The following IRAG2 variants were observed in gnomAD, a reference collection of about 807,000 sequenced individuals.
IRAG2 encodes inositol 1,4,5-triphosphate receptor associated 2.
A neutral mutation model predicts 69.9 loss-of-function variants in IRAG2; 45 were observed. The observed-to-expected ratio is 0.64, with a 90% confidence interval of 0.51 to 0.83. IRAG2 has a LOEUF of 0.83. Among genes scored for constraint, IRAG2 ranks in the 40% least tolerant of loss-of-function variants. The pLI is 0.00. For missense variants in IRAG2, 520 were observed against 587.0 expected (o/e 0.89, Z 1.18); for synonymous variants, 193 against 202.4 (o/e 0.95, Z 0.40).
intron 16 of IRAG2, among the ~76,000 whole-genome samples, chr12:25,047,124 C>T (rs899709202): frequency 6.6e-6 from 1 of 152,070 alleles, no homozygotes; most frequent in Non-Finnish European, 1.5e-5. Context: ...TGGACATCCA[C>T]AGACAAAAGA....
chr12:25,043,403 A>C (rs1309014880), intron 16 of IRAG2, among the ~76,000 whole-genome samples: 1 of 151,850 alleles, frequency 6.6e-6, no homozygotes, highest in East Asian at 1.9e-4. Context: ...GACCTGGCAT[A>C]CTCTAGATGC....
At chr12:25,086,494 C>T (rs542303704) in intron 10 of IRAG2, among the ~76,000 whole-genome samples, 2 of 152,156 alleles carry the variant, frequency 1.3e-5, no homozygotes, top group African/African-American at 4.8e-5. Context: ...CTCACCTGTG[C>T]GGTTTTTGAA....
At chr12:25,033,705 ACT>A (rs1565530718) in intron 12 of IRAG2, 3 of 390,384 alleles carry the variant, frequency 7.7e-6, no homozygotes, top group Non-Finnish European at 1.4e-5. Context: ...ATTTCTGATC[ACT>A]CTCCCTATTC....
At chr12:25,062,304 A>G (rs972799581) in intron 2 of IRAG2, among the ~76,000 whole-genome samples, 7 of 152,210 alleles carry the variant, frequency 4.6e-5, no homozygotes, top group African/African-American at 1.7e-4. Flanking sequence ...AAAGCAGGAA[A>G]AAAAAAACCA....
chr12:25,095,413 T>C (rs1948354450), intron 14 of IRAG2, among the ~76,000 whole-genome samples: 1 of 152,182 alleles, frequency 6.6e-6, no homozygotes, highest in East Asian at 1.9e-4. Flanking sequence ...ATATGGTTTT[T>C]GTCCTCCTTT....
At chr12:25,005,209 C>A in intron 1 of IRAG2, 1 of 1,009,896 alleles carries the variant, frequency 9.9e-7, no homozygotes, top group Non-Finnish European at 1.3e-6. Flanking sequence ...GCACAGAAAG[C>A]ATCAGGATTT....
At chr12:25,075,937 TG>T (rs1946664269) in intron 6 of IRAG2, 1 of 152,250 alleles carries the variant, frequency 6.6e-6, no homozygotes, top group East Asian at 1.9e-4. Context: ...TGTTCTGCTG[TG>T]GGCCTGGTTT....
chr12:25,026,867 G>T lies in IRAG2; in HGVS notation c.1461+1G>T. The T allele has an allele frequency of 8.2e-7, 1 of 1,219,800 alleles. No individual in the cohort carries two copies. Among genetic ancestry groups the T allele is most frequent in the Non-Finnish European group, 1.0e-6 (1 of 976,786 alleles). The allele number at this position is 1,219,800 out of a possible 1,614,324, so 75.6% of individuals were successfully genotyped here. ...GTCTAAAACTGAGACAGAGCACCAA[G>T]TAAGCACTTCCCAAATACTGGTAAA... On this transcript the variant is annotated splice_donor_variant, in intron 9 of 38. Transcript: ENST00000636465. LOFTEE classifies it high-confidence loss of function.
chr12:25,064,681 C>CTACTAA (rs1488960413), intron 4 of IRAG2, among the ~76,000 whole-genome samples: 6 of 152,150 alleles, frequency 3.9e-5, no homozygotes, highest in African/African-American at 1.4e-4. Flanking sequence ...GAAGGAAAAA[C>CTACTAA]TACTAATACT....
intron 5 of IRAG2, chr12:25,017,131 C>T (rs1944535993): frequency 6.5e-6 from 8 of 1,231,728 alleles, no homozygotes; most frequent in Non-Finnish European, 8.1e-6. Context: ...CTTTTACTTG[C>T]AGAGAGGTGT....
chr12:25,011,326 A>G (rs916512716), intron 2 of IRAG2: 7 of 1,227,274 alleles, frequency 5.7e-6, no homozygotes, highest in Admixed American at 4.2e-5. Context: ...TGAAAAATAT[A>G]ACTTTTCTGT....
upstream of IRAG2, among the ~76,000 whole-genome samples, chr12:25,051,411 C>T (rs1420600865): frequency 1.3e-5 from 2 of 152,194 alleles, no homozygotes; most frequent in East Asian, 3.8e-4. Flanking sequence ...CTGACAATGT[C>T]TTCCTTGCTG....
rs993462309 is a variant in IRAG2, at chr12:25,017,354, AC to A, written c.1214+64del. The stretch of plus-strand genomic sequence containing the variant: ...CATTTCTTTTTTCTTTTTTTAAAAA[AC>A]CTTTTAAATATTGAGAGTCACACAG... On this transcript the variant is annotated intron_variant, in intron 6 of 38. Transcript: ENST00000636465. 266 of 1,192,670 alleles carry A rather than the reference AC, an allele frequency of 2.2e-4. 1 individual carries two copies. The highest frequency in any genetic ancestry group is 6.4e-4 in the Middle Eastern group (2 of 3,122). 73.9% of individuals were successfully genotyped at this position (1,192,670 alleles called of 1,614,324 possible).
chr12:25,077,372 A>AAT (rs67988999), intron 6 of IRAG2, among the ~76,000 whole-genome samples: 15 of 33,052 alleles, frequency 4.5e-4, no homozygotes, highest in African/African-American at 1.8e-3. Flanking sequence ...ATATATATGA[A>AAT]ATATATATAT....
At chr12:25,057,791 T>C (rs1186108577) in intron 1 of IRAG2, among the ~76,000 whole-genome samples, 2 of 152,136 alleles carry the variant, frequency 1.3e-5, no homozygotes, top group Non-Finnish European at 2.9e-5. Context: ...CGCCTCCACC[T>C]CTAGCACCCT....
chr12:25,054,368 T>C (rs541037325), intron 1 of IRAG2, among the ~76,000 whole-genome samples: 1 of 152,328 alleles, frequency 6.6e-6, no homozygotes, highest in Non-Finnish European at 1.5e-5. Flanking sequence ...AGGACTATTC[T>C]TTTGCTCCAG....
chr12:25,026,468 G>T (rs1944622338), intron 8 of IRAG2, among the ~76,000 whole-genome samples: 1 of 152,144 alleles, frequency 6.6e-6, no homozygotes. Context: ...GAAGGTTGAA[G>T]GATAATGAAA....
intron 2 of IRAG2, chr12:25,005,490 A>C (rs983443160): frequency 2.5e-6 from 1 of 404,536 alleles, no homozygotes; most frequent in Middle Eastern, 6.2e-4. Context: ...ATGCCACCTA[A>C]TTTGGGAATA....
chr12:25,074,566 G>A (rs1366518990), intron 6 of IRAG2, among the ~76,000 whole-genome samples: 1 of 151,992 alleles, frequency 6.6e-6, no homozygotes, highest in Admixed American at 6.6e-5. Flanking sequence ...TCTTACTTCA[G>A]TCTCAACTCT....
Sources: gnomAD v4.1 joint callset for allele counts (sites outside exome capture counted in the v4.1 genomes callset) on GRCh38, gnomAD v4.1.1 for gene constraint, MANE v1.5 for transcripts, NCBI Gene and HGNC (gene_info 2026-07-23, HGNC 2026-07-21) for gene names.